Variants in P4HTM observed in about 807,000 individuals in gnomAD.
P4HTM encodes the protein prolyl 4-hydroxylase, transmembrane, also known as transmembrane prolyl 4-hydroxylase.
P4HTM carries 33 observed loss-of-function variants against 55.3 expected under a neutral mutation model. The observed-to-expected ratio is 0.60, with a 90% confidence interval of 0.45 to 0.80. The LOEUF (loss-of-function observed/expected upper bound fraction) is 0.80. Among genes scored for constraint, P4HTM ranks in the 30% least tolerant of loss-of-function variants. The probability of loss-of-function intolerance (pLI) is 0.00; values close to 1 mark genes in which losing one functional copy is unlikely to be tolerated. For synonymous variants in P4HTM, 272 were observed against 286.4 expected (o/e 0.95, Z 0.51); for missense variants, 542 against 696.5 (o/e 0.78, Z 2.50).
At chr3:49,000,285 A>G (rs1394061050) in intron 2 of P4HTM, among the ~76,000 whole-genome samples, 4 of 152,172 alleles carry the variant, frequency 2.6e-5, no homozygotes, top group African/African-American at 9.7e-5. Context: ...GTGTGGTGGC[A>G]TATGCTTATA....
intron 8 of P4HTM, 28 bp downstream of exon 8, chr3:49,006,215 G>C (rs200837151): frequency 4.4e-6 from 7 of 1,598,922 alleles, no homozygotes; most frequent in Middle Eastern, 1.7e-4. Context: ...GGCCTGGGGG[G>C]GGTGCCCTGA....
chr3:49,004,966 T>C lies in P4HTM; in HGVS notation c.993T>C (p.Ser331=), dbSNP rs752014759. The change falls in exon 6 of 9, where the codon AGT becomes AGC. Residue 331 remains serine, a synonymous_variant. Transcript: ENST00000383729. ...EGGHYHAHVD[S]GPVYPETICS... is the part of the protein sequence containing the mutation. ...GCCACTACCATGCCCACGTGGACAG[T>C]GGGCCTGTGTACCCAGAGACCATCT... 1.9e-6 allele frequency: 3 copies of C among 1,614,056 alleles called. No homozygotes were observed. Among genetic ancestry groups the C allele is most frequent in the Non-Finnish European group, 2.5e-6 (3 of 1,180,034 alleles).
At chr3:49,000,246 A>G (rs1335999462) in intron 2 of P4HTM, among the ~76,000 whole-genome samples, 2 of 152,098 alleles carry the variant, frequency 1.3e-5, no homozygotes, top group African/African-American at 4.8e-5. Context: ...TTTCTGCTGT[A>G]ATTACTATTA....
At chr3:48,996,730 T>C (rs1220755067) in intron 2 of P4HTM, among the ~76,000 whole-genome samples, 3 of 152,214 alleles carry the variant, frequency 2.0e-5, no homozygotes, top group Admixed American at 2.0e-4. Flanking sequence ...TTCATAGGCC[T>C]GCTGCTTGGC....
chr3:49,003,905 C>T, intron 4 of P4HTM, 193 bp from the exon 5 acceptor site: 1 of 580,602 alleles, frequency 1.7e-6, no homozygotes, highest in Non-Finnish European at 3.0e-6. Context: ...TCTGGGTCTT[C>T]CTGTAAGGCC....
chr3:48,991,459 G>C (rs1251529330), intron 2 of P4HTM: 2 of 153,042 alleles, frequency 1.3e-5, no homozygotes, highest in Non-Finnish European at 2.9e-5. Flanking sequence ...AGCTTTCTAG[G>C]GTGACTCCAG....
At position 48,996,898 on chromosome 3, in the gene P4HTM, T is replaced by C. The variant is rs559876213; in HGVS notation, c.437-4540T>C. On this transcript the variant is annotated intron_variant, in intron 2 of 8. Coordinates refer to ENST00000383729, the MANE Select transcript of P4HTM (RefSeq NM_177939.3). The stretch of plus-strand genomic sequence containing the variant: ...CATGTGGGCAGTAGTAGCAGGCCAC[T>C]AGCCAGGCTGTCATCCTAGGCCTGG... Among the ~76,000 whole-genome samples the C allele has an allele frequency of 3.1e-3, 465 of 152,264 alleles. 7 individuals carry two copies. The Middle Eastern group carries it at 0.037, about 12-fold the overall frequency.
rs1053341969 is a variant in P4HTM at position 48,994,332 on chromosome 3, C to T, written c.436+3418C>T. Among the ~76,000 whole-genome samples, 8 of 152,292 alleles carry T rather than the reference C, an allele frequency of 5.3e-5. No individual in the cohort carries two copies. The South Asian group carries it at 6.2e-4, about 12-fold the overall frequency. On this transcript the variant is annotated intron_variant, in intron 2 of 8. Coordinates refer to ENST00000383729, the MANE Select transcript of P4HTM (RefSeq NM_177939.3). ...TTCAGGGACCCAAGATACCTGGGAT[C>T]GAAGAGTGGATGCTAAAGATGTGAG...
At position 49,002,061 on chromosome 3, in the gene P4HTM, G is replaced by A. The variant is rs879331613; in HGVS notation, c.627+433G>A. 6.6e-6 allele frequency among the ~76,000 whole-genome samples: 1 copy of A among 152,192 alleles called. No individual in the cohort carries two copies. The highest frequency in any genetic ancestry group is 2.4e-5 in the African/African-American group (1 of 41,434). Reference sequence around the variant, plus strand: ...AAGTCTGGCAGGGTGGTGGTGCGGGGCACTGCCCACACAGAACACCCCACT... The same window carrying A: ...AAGTCTGGCAGGGTGGTGGTGCGGGACACTGCCCACACAGAACACCCCACT... On this transcript the variant is annotated intron_variant, in intron 3 of 8. Transcript: ENST00000383729. The surrounding 1 kb of genome is among the most constrained non-coding windows in gnomAD (Gnocchi z 4.4).
chr3:49,004,575 A>G, intron 5 of P4HTM: 3 of 555,508 alleles, frequency 5.4e-6, no homozygotes, highest in Non-Finnish European at 6.3e-6. Context: ...TAAATAAACA[A>G]CTTTCTTCCA....
Position 48,990,349 on chromosome 3 carries a change from G to T in P4HTM, c.93G>T (p.Gln31His). 6.5e-7 allele frequency: 1 copy of T among 1,548,584 alleles called. No homozygotes were observed. The highest frequency in any genetic ancestry group is 1.4e-5 in the African/African-American group (1 of 72,174). Residue 31 changes from glutamine to histidine, a missense_variant, in exon 1 of 9, where the codon CAG (glutamine) becomes CAT (histidine). Gln to His is a conservative substitution (Grantham distance 24). This residue lies in a region of P4HTM where 536 missense variants were observed against 672.1 expected (regional missense o/e 0.80). Coordinates refer to ENST00000383729, the MANE Select transcript of P4HTM (RefSeq NM_177939.3). The surrounding 1 kb of genome is among the most constrained non-coding windows in gnomAD (Gnocchi z 7.2). ...AGTGGGCGCCGCCAGACCACTGCCA[G>T]GCTCAGGCGGCGGCCGGGCTGGGCG... is the stretch of plus-strand genomic sequence containing the variant. ...RPQWAPPDHC[Q>H]AQAAAGLGDG...
Position 48,999,812 on chromosome 3 carries a change from TC to T in P4HTM, c.437-1624del, listed in dbSNP as rs1306374680. ...TGTGTTTTCTTTTCTTTTTCTGGCT[TC>T]CTTTTTCTTTCTTTTTAAATTTTGT... is the stretch of plus-strand genomic sequence containing the variant. On this transcript the variant is annotated intron_variant, in intron 2 of 8. Coordinates refer to ENST00000383729, the MANE Select transcript of P4HTM (RefSeq NM_177939.3). The surrounding 1 kb of genome is among the most constrained non-coding windows in gnomAD (Gnocchi z 4.8). 6.6e-6 allele frequency: 1 copy of T among 152,256 alleles called. No homozygotes were observed. The allele number at this position is 152,256 out of a possible 1,614,324, so 9.4% of individuals were successfully genotyped here.
Position 48,990,572 on chromosome 3 carries a change from C to A in P4HTM, c.316C>A (p.Pro106Thr), listed in dbSNP as rs1256548560. 3 of 1,607,200 alleles carry A rather than the reference C, an allele frequency of 1.9e-6. No individual in the cohort carries two copies. Among genetic ancestry groups the A allele is most frequent in the Non-Finnish European group, 2.5e-6 (3 of 1,177,782 alleles). Residue 106 changes from proline to threonine, a missense_variant, in exon 1 of 9, where the codon CCC (proline) becomes ACC (threonine). Physicochemically the swap from Pro to Thr is conservative, Grantham distance 38. Transcript: ENST00000383729. This position sits in a 1 kb window ranked among gnomAD's most constrained non-coding sequence, Gnocchi z 7.2. ...CCGTGCCCAGGGCCCCGGGCCCGAG[C>A]CCACCTTAGGTCCCCTCACCCGGCT... ...QHRAQGPGPE[P>T]TLGPLTRLEG...
intron 8 of P4HTM, 64 bp from the exon 9 acceptor site, chr3:49,006,623 G>A: frequency 7.2e-7 from 1 of 1,393,130 alleles, no homozygotes; most frequent in South Asian, 1.2e-5. Flanking sequence ...TCATGCTCTT[G>A]GTGCCTATGA....
Position 48,990,659 on chromosome 3 carries a change from C to A in P4HTM, c.354+49C>A. ...CGCTCCAGGCCCTGCACGGCTGAGC[C>A]CGAGAGGACCGGCGCTCAGCCCGGG... On this transcript the variant is annotated intron_variant, in intron 1 of 8. Coordinates refer to ENST00000383729, the MANE Select transcript of P4HTM (RefSeq NM_177939.3). The surrounding 1 kb of genome is among the most constrained non-coding windows in gnomAD (Gnocchi z 7.2). 6.7e-7 allele frequency: 1 copy of A among 1,488,042 alleles called. No homozygotes were observed. Among genetic ancestry groups the A allele is most frequent in the South Asian group, 1.3e-5 (1 of 75,706 alleles). The allele number at this position is 1,488,042 out of a possible 1,614,324, so 92.2% of individuals were successfully genotyped here. A position where few individuals can be genotyped will look rare whatever the true frequency, so the allele number is the denominator to read the frequency against.
intron 5 of P4HTM, 107 bp downstream of exon 5, chr3:49,004,367 G>T (rs1320691527): frequency 1.0e-5 from 12 of 1,156,338 alleles, no homozygotes; most frequent in Admixed American, 5.9e-5. Flanking sequence ...TAACCCATTT[G>T]GGATTAAGTT....
rs1231576880 is a variant in P4HTM, at chr3:49,005,352, C to T, written c.1073+306C>T. On this transcript the variant is annotated intron_variant, in intron 6 of 8. Coordinates refer to ENST00000383729, the MANE Select transcript of P4HTM (RefSeq NM_177939.3). ...CCCCTAGCTTGTCCTGCCCATTCCTCCAGGTGTTGATCTTGATTCCACTTA... is the reference window on the plus strand; with the variant it reads ...CCCCTAGCTTGTCCTGCCCATTCCTTCAGGTGTTGATCTTGATTCCACTTA... The T allele has an allele frequency of 3.5e-6, 5 of 1,420,152 alleles. No individual in the cohort carries two copies. In the East Asian group the frequency reaches 1.0e-4, roughly 29 times the overall value. 88.0% of individuals were successfully genotyped at this position (1,420,152 alleles called of 1,614,324 possible).
At position 49,002,448 on chromosome 3, in the gene P4HTM, G is replaced by C; in HGVS notation, c.628-52G>C. ...ACAAGCACTGGGCCATCTGTTCTCT[G>C]CTGGCTCTCCATCACTGGGGTCACC... On this transcript the variant is annotated intron_variant, in intron 3 of 8. Transcript: ENST00000383729. The surrounding 1 kb of genome is among the most constrained non-coding windows in gnomAD (Gnocchi z 4.4). 1.5e-6 allele frequency: 2 copies of C among 1,315,012 alleles called. No homozygotes were observed. Among genetic ancestry groups the C allele is most frequent in the South Asian group, 2.4e-5 (2 of 83,240 alleles). The allele number at this position is 1,315,012 out of a possible 1,614,324, so 81.5% of individuals were successfully genotyped here.
At chr3:49,005,433 T>G (rs557403490) in intron 6 of P4HTM, 2 of 1,390,354 alleles carry the variant, frequency 1.4e-6, no homozygotes, top group Non-Finnish European at 1.9e-6. Flanking sequence ...CCTCTTCAGG[T>G]GGCTGTTCTG....
Sources: gnomAD v4.1 joint callset for allele counts (sites outside exome capture counted in the v4.1 genomes callset) on GRCh38, gnomAD v4.1.1 for gene constraint, gnomAD v4.1.1 regional missense constraint, Gnocchi (gnomAD v3.1) non-coding constraint, MANE v1.5 for transcripts, NCBI Gene and HGNC (gene_info 2026-07-23, HGNC 2026-07-21) for gene names.